The following ZNF536 variants were observed in gnomAD, a reference collection of about 807,000 sequenced individuals.
ZNF536 encodes the protein zinc finger protein 536.
In ZNF536, 13 loss-of-function variants were observed where a neutral mutation model predicts 84.5. That is an observed-to-expected ratio of 0.15 (90% confidence interval 0.10 to 0.24). The LOEUF (loss-of-function observed/expected upper bound fraction) is 0.24. Among genes scored for constraint, ZNF536 ranks in the 10% least tolerant of loss-of-function variants. ZNF536 has a pLI of 1.00. For synonymous variants in ZNF536, 811 were observed against 742.5 expected, an observed-to-expected ratio of 1.09 and a Z score of -1.50; for missense variants, 1,536 against 1,747.5, an observed-to-expected ratio of 0.88 and a Z score of 2.16.
chr19:30,624,943 G>A (rs1426166054), intron 1 of ZNF536, among the ~76,000 whole-genome samples: 3 of 152,242 alleles, frequency 2.0e-5, no homozygotes, highest in Middle Eastern at 3.4e-3. Flanking sequence ...CTGCTGCCTT[G>A]TGAAAAAGGA....
intron 1 of ZNF536, among the ~76,000 whole-genome samples, chr19:30,679,932 T>G (rs1419857156): frequency 6.6e-6 from 1 of 152,162 alleles, no homozygotes; most frequent in Non-Finnish European, 1.5e-5. Context: ...GTGAACGAGT[T>G]TCCTGCCACC....
chr19:30,435,062 G>A, intron 1 of ZNF536, among the ~76,000 whole-genome samples: 1 of 151,570 alleles, frequency 6.6e-6, no homozygotes, highest in African/African-American at 2.4e-5. Context: ...TGATGCTGAT[G>A]ATGGTGATAA....
chr19:30,331,418 C>G (rs1342123368), intron 2 of ZNF536, among the ~76,000 whole-genome samples: 1 of 149,272 alleles, frequency 6.7e-6, no homozygotes, highest in African/African-American at 2.5e-5. Flanking sequence ...AGTGGTCATG[C>G]TGATTCCCCA....
chr19:30,560,019 G>A (rs1333530614), downstream of ZNF536, among the ~76,000 whole-genome samples: 6 of 151,918 alleles, frequency 3.9e-5, no homozygotes, highest in South Asian at 2.1e-4. Flanking sequence ...GGGCACTCAC[G>A]CCGTACACTC....
At chr19:30,679,161 G>A (rs899003948) in intron 1 of ZNF536, among the ~76,000 whole-genome samples, 11 of 152,092 alleles carry the variant, frequency 7.2e-5, no homozygotes, top group Non-Finnish European at 1.5e-4. Context: ...CATGGAGGTC[G>A]GTTCAATACA....
At chr19:30,563,363 T>C (rs144461753) in intron 1 of ZNF536, among the ~76,000 whole-genome samples, 12 of 152,286 alleles carry the variant, frequency 7.9e-5, no homozygotes, top group African/African-American at 2.9e-4. Context: ...CACACCCCCA[T>C]TGGCTCCAAC....
intron 2 of ZNF536, among the ~76,000 whole-genome samples, chr19:30,460,176 G>A (rs1442783332): frequency 2.0e-5 from 3 of 152,184 alleles, no homozygotes; most frequent in African/African-American, 2.4e-5. Flanking sequence ...TCCTGAACCA[G>A]TCACTGCTGC....
At chr19:30,531,329 T>A (rs1285658589) in intron 2 of ZNF536, among the ~76,000 whole-genome samples, 2 of 152,216 alleles carry the variant, frequency 1.3e-5, no homozygotes, top group Admixed American at 6.5e-5. Context: ...TGTTCCACAG[T>A]GCAGGGCGGC....
chr19:30,244,096 GT>G (rs1319315884), intron 1 of ZNF536, among the ~76,000 whole-genome samples: 4 of 152,124 alleles, frequency 2.6e-5, no homozygotes, highest in East Asian at 3.8e-4. Context: ...AGAATCTACA[GT>G]TTCTGATTTC....
upstream of ZNF536, among the ~76,000 whole-genome samples, chr19:30,227,795 C>T (rs2022703283): frequency 6.6e-6 from 1 of 151,900 alleles, no homozygotes; most frequent in Non-Finnish European, 1.5e-5. Flanking sequence ...ACAGGGGCCG[C>T]GTTTGCTGAG....
intron 1 of ZNF536, among the ~76,000 whole-genome samples, chr19:30,647,684 A>T (rs2147408743): frequency 6.6e-6 from 1 of 152,312 alleles, no homozygotes; most frequent in East Asian, 1.9e-4. Context: ...TTTTTAAAAG[A>T]GCATTATAAA....
intron 2 of ZNF536, among the ~76,000 whole-genome samples, chr19:30,291,374 G>A (rs564598583): frequency 2.4e-4 from 36 of 152,192 alleles, no homozygotes; most frequent in African/African-American, 4.1e-4. Context: ...TTTAATGATC[G>A]CCATTCTAAC....
chr19:30,507,871 C>T (rs1250550745), intron 2 of ZNF536, among the ~76,000 whole-genome samples: 1 of 152,104 alleles, frequency 6.6e-6, no homozygotes, highest in East Asian at 1.9e-4. Flanking sequence ...CCCAGAATTG[C>T]CCATGCTTTT....
At position 30,460,892 on chromosome 19, in the gene ZNF536, C is replaced by T. The variant is rs138425837; in HGVS notation, c.2170+15160C>T. Among the ~76,000 whole-genome samples the T allele has an allele frequency of 5.0e-3, 758 of 152,274 alleles. 9 individuals are homozygous for T. Among genetic ancestry groups the T allele is most frequent in the African/African-American group, 0.017 (724 of 41,556 alleles). On this transcript the variant is annotated intron_variant, in intron 2 of 4. Coordinates refer to ENST00000355537, the MANE Select transcript of ZNF536 (RefSeq NM_014717.3). Reference sequence around the variant, plus strand: ...GGATGTCCTCTCAAGCACAAGGGAACAGCCTGGTCATCTTCCTTGCACCTC... The same window carrying T: ...GGATGTCCTCTCAAGCACAAGGGAATAGCCTGGTCATCTTCCTTGCACCTC...
chr19:30,676,948 C>G (rs566337098), intron 1 of ZNF536, among the ~76,000 whole-genome samples: 1 of 152,134 alleles, frequency 6.6e-6, no homozygotes, highest in Non-Finnish European at 1.5e-5. Context: ...TCATGTGATC[C>G]TCCCACCTCG....
At chr19:30,238,067 C>A (rs1568515543) in intron 1 of ZNF536, among the ~76,000 whole-genome samples, 1 of 152,154 alleles carries the variant, frequency 6.6e-6, no homozygotes, top group Non-Finnish European at 1.5e-5. Context: ...CTCATAAGGT[C>A]ATCAGGATTA....
At chr19:30,389,852 T>G (rs555728827) in intron 1 of ZNF536, among the ~76,000 whole-genome samples, 4 of 152,204 alleles carry the variant, frequency 2.6e-5, no homozygotes, top group Non-Finnish European at 5.9e-5. Flanking sequence ...CTGCTGAGTG[T>G]GGCGCAGTGA....
intron 1 of ZNF536, among the ~76,000 whole-genome samples, chr19:30,581,870 G>T (rs1000399865): frequency 6.6e-6 from 1 of 152,182 alleles, no homozygotes; most frequent in East Asian, 1.9e-4. Context: ...GGAGGCAGAG[G>T]TTGCAGTAAG....
At chr19:30,357,120 T>C (rs569930376) in intron 3 of ZNF536, among the ~76,000 whole-genome samples, 32 of 152,168 alleles carry the variant, frequency 2.1e-4, no homozygotes, top group Middle Eastern at 6.8e-3. Context: ...CACAGAGCAA[T>C]AAATGCATAA....
Sources: gnomAD v4.1 joint callset for allele counts (sites outside exome capture counted in the v4.1 genomes callset) on GRCh38, gnomAD v4.1.1 for gene constraint, MANE v1.5 for transcripts, NCBI Gene and HGNC (gene_info 2026-07-23, HGNC 2026-07-21) for gene names.